Variants in KYNU observed in about 807,000 individuals in gnomAD.
The protein encoded by KYNU is kynureninase, also known as L-kynurenine hydrolase.
KYNU carries 54 observed loss-of-function variants against 59.2 expected under a neutral mutation model. The ratio of observed to expected loss-of-function variants is 0.91; its 90% CI spans 0.73 to 1.14. The LOEUF (loss-of-function observed/expected upper bound fraction) is 1.14. Among genes scored for constraint, KYNU ranks in the 50% most tolerant of loss-of-function variants. The pLI, the probability that KYNU is intolerant of heterozygous loss-of-function variation, is 0.00. For missense variants in KYNU, 567 were observed against 554.4 expected (o/e 1.02, Z -0.23); for synonymous variants, 177 against 192.0 (o/e 0.92, Z 0.65).
intron 3 of KYNU, among the ~76,000 whole-genome samples, chr2:142,926,674 G>T (rs761492119): frequency 1.3e-5 from 2 of 152,202 alleles, no homozygotes; most frequent in Non-Finnish European, 2.9e-5. Flanking sequence ...CCTCCCCAGG[G>T]TGGAGACTTT....
At chr2:142,953,299 T>C (rs1266581000) in intron 4 of KYNU, among the ~76,000 whole-genome samples, 2 of 152,224 alleles carry the variant, frequency 1.3e-5, no homozygotes, top group Admixed American at 1.3e-4. Context: ...AGTCAACCTC[T>C]CAGGGAACGG....
At chr2:142,979,397 T>C (rs1209299806) in intron 8 of KYNU, among the ~76,000 whole-genome samples, 1 of 152,156 alleles carries the variant, frequency 6.6e-6, no homozygotes, top group Non-Finnish European at 1.5e-5. Flanking sequence ...TTTGGGTTCA[T>C]ACTGTGTGAG....
intron 3 of KYNU, 28 bp from the exon 4 acceptor site, chr2:142,927,631 A>G: frequency 6.5e-7 from 1 of 1,532,038 alleles, no homozygotes; most frequent in Non-Finnish European, 9.0e-7. Context: ...AAAAGCTAAG[A>G]TATGTTTATG....
At chr2:142,881,916 CTTTTTTTTT>C (rs869099302) in intron 1 of KYNU, among the ~76,000 whole-genome samples, 24 of 113,172 alleles carry the variant, frequency 2.1e-4, no homozygotes, top group African/African-American at 6.8e-4. Flanking sequence ...TTTCTTTTTT[CTTTTTTTTT>C]TTTTTTTTTT....
In KYNU at chr2:142,936,699, A is replaced by G. The variant is rs775245987; in HGVS notation, c.373+8958A>G. Among the ~76,000 whole-genome samples the G allele has an allele frequency of 1.3e-4, 20 of 152,306 alleles. 2 individuals are homozygous for G. The highest frequency in any genetic ancestry group is 1.1e-3 in the Admixed American group (17 of 15,306). On this transcript the variant is annotated intron_variant, in intron 4 of 13. Transcript: ENST00000264170. ...CCGGAGAAACCAAGAGAGGCCATGT[A>G]GATTTTTCCCTGTTGACAGAGCTCC...
chr2:142,954,082 G>A (rs1399628821), intron 4 of KYNU: 2 of 152,084 alleles, frequency 1.3e-5, no homozygotes, highest in Non-Finnish European at 2.9e-5. Context: ...TATTATTGTT[G>A]TGATTATGCT....
At chr2:142,929,424 A>T (rs1296573122) in intron 4 of KYNU, among the ~76,000 whole-genome samples, 1 of 152,032 alleles carries the variant, frequency 6.6e-6, no homozygotes, top group Non-Finnish European at 1.5e-5. Context: ...AAAAATAAAA[A>T]GCCAGCTGCT....
At chr2:142,929,780 A>T (rs769346407) in intron 4 of KYNU, among the ~76,000 whole-genome samples, 2 of 152,182 alleles carry the variant, frequency 1.3e-5, no homozygotes, top group Non-Finnish European at 1.5e-5. Context: ...AATAGAAAGG[A>T]GTGTCTGGAG....
At chr2:142,976,393 A>G (rs1407962456) in intron 8 of KYNU, among the ~76,000 whole-genome samples, 1 of 152,164 alleles carries the variant, frequency 6.6e-6, no homozygotes, top group Non-Finnish European at 1.5e-5. Context: ...GTTCTCTAGC[A>G]TTAGCCCACC....
intron 8 of KYNU, among the ~76,000 whole-genome samples, chr2:142,964,923 T>C (rs1227311629): frequency 6.6e-6 from 1 of 152,230 alleles, no homozygotes; most frequent in Non-Finnish European, 1.5e-5. Context: ...AAGATGAAGA[T>C]GTGCCAACCC....
rs62169867 is a variant in KYNU at position 142,932,169 on chromosome 2, C to T, written c.373+4428C>T. Among the ~76,000 whole-genome samples, 10 of 152,142 alleles carry T rather than the reference C, an allele frequency of 6.6e-5. No homozygotes were observed. In the South Asian group the frequency reaches 1.7e-3, roughly 25 times the overall value. On this transcript the variant is annotated intron_variant, in intron 4 of 13. Transcript: ENST00000264170. ...TCAGACATGGCTGGAAAGGTGAGGA[C>T]AAGTGAGAATAGGGTGGAAAAGTTG...
At chr2:142,995,883 A>G (rs1243620799) in intron 10 of KYNU, among the ~76,000 whole-genome samples, 14 of 151,800 alleles carry the variant, frequency 9.2e-5, no homozygotes, top group Admixed American at 7.2e-4. Context: ...ACTTGTTTTG[A>G]TGCATATCTA....
At chr2:143,014,084 A>G (rs1263984438) in intron 10 of KYNU, among the ~76,000 whole-genome samples, 1 of 152,220 alleles carries the variant, frequency 6.6e-6, no homozygotes, top group African/African-American at 2.4e-5. Context: ...TGGAGGTGCT[A>G]TCACACACAG....
chr2:142,956,237 A>G lies in KYNU; in HGVS notation c.470A>G (p.Lys157Arg). ...TTTAAGCCTACGCCAAAACGATATA[A>G]AATTCTTCTAGAAGCCAAAGCCTTC... Reference protein sequence around the residue: ...SFFKPTPKRYKILLEAKAFPS... With the variant: ...SFFKPTPKRYRILLEAKAFPS... Residue 157 changes from lysine (K) to arginine (R), a missense_variant, in exon 6 of 14, where the codon AAA (lysine) becomes AGA (arginine). Physicochemically the swap from Lys to Arg is conservative, Grantham distance 26. Coordinates refer to ENST00000264170, the MANE Select transcript of KYNU (RefSeq NM_003937.3). The G allele has an allele frequency of 6.2e-7, 1 of 1,604,876 alleles. No homozygotes were observed. Among genetic ancestry groups the G allele is most frequent in the Non-Finnish European group, 8.5e-7 (1 of 1,172,318 alleles).
chr2:143,036,822 G>C (rs1686905634), intron 12 of KYNU, among the ~76,000 whole-genome samples: 1 of 152,174 alleles, frequency 6.6e-6, no homozygotes, highest in African/African-American at 2.4e-5. Context: ...CATTTTAGGA[G>C]ATAGGTGGTT....
chr2:142,962,602 G>A (rs141609847), intron 8 of KYNU, among the ~76,000 whole-genome samples: 2 of 152,212 alleles, frequency 1.3e-5, no homozygotes, highest in Non-Finnish European at 2.9e-5. Flanking sequence ...ATGTTTTGCA[G>A]GTTTTCTTTA....
chr2:143,040,809 T>C, intron 13 of KYNU, 151 bp downstream of exon 13: 2 of 569,388 alleles, frequency 3.5e-6, no homozygotes. Flanking sequence ...CCCTCAGCAC[T>C]GTGCTAACTG....
intron 13 of KYNU, among the ~76,000 whole-genome samples, chr2:143,041,158 T>G (rs904786185): frequency 2.0e-5 from 3 of 152,088 alleles, no homozygotes; most frequent in African/African-American, 7.2e-5. Flanking sequence ...AGGAATAATT[T>G]TTTTTTAACC....
intron 10 of KYNU, among the ~76,000 whole-genome samples, chr2:143,016,472 A>G (rs1322221209): frequency 1.3e-5 from 2 of 152,222 alleles, no homozygotes; most frequent in Non-Finnish European, 2.9e-5. Flanking sequence ...CAAGTACTTT[A>G]TGCCTGTCTT....
Sources: allele counts gnomAD v4.1 joint callset (sites outside exome capture counted in the v4.1 genomes callset), GRCh38; gene constraint gnomAD v4.1.1; transcripts MANE v1.5; gene names NCBI Gene and HGNC (gene_info 2026-07-23, HGNC 2026-07-21).